The following ST8SIA6 variants were observed in gnomAD, a reference collection of about 807,000 sequenced individuals.
The protein encoded by ST8SIA6 is alpha-2,8-sialyltransferase 8F.
A neutral mutation model predicts 33.6 loss-of-function variants in ST8SIA6; 39 were observed. The ratio of observed to expected loss-of-function variants is 1.16; its 90% CI spans 0.90 to 1.52. The LOEUF is 1.52. Ranked by LOEUF, ST8SIA6 falls within the 40% of genes most tolerant of loss-of-function variation. The pLI, the probability that ST8SIA6 is intolerant of heterozygous loss-of-function variation, is 0.00. For synonymous variants in ST8SIA6, 172 were observed against 167.2 expected (o/e 1.03, Z -0.22); for missense variants, 441 against 443.8 (o/e 0.99, Z 0.06).
intron 4 of ST8SIA6, among the ~76,000 whole-genome samples, chr10:17,333,706 TATATA>T (rs1848394755): frequency 3.2e-5 from 1 of 30,836 alleles, no homozygotes; most frequent in East Asian, 2.8e-3. Flanking sequence ...TATATATATA[TATATA>T]TATATATTTT....
intron 2 of ST8SIA6, among the ~76,000 whole-genome samples, chr10:17,418,525 C>T (rs1013501781): frequency 6.6e-6 from 1 of 152,120 alleles, no homozygotes; most frequent in Non-Finnish European, 1.5e-5. Flanking sequence ...AGGACATGAC[C>T]ACTGTCATTC....
rs1051962456 is a variant in ST8SIA6, at chr10:17,323,553, A to G, written c.636-396T>C. On this transcript the variant is annotated intron_variant, in intron 6 of 7. Coordinates refer to ENST00000377602, the MANE Select transcript of ST8SIA6 (RefSeq NM_001004470.3). Reference sequence around the variant, plus strand: ...GGGACTAAAGGCATGCACCAAGCGAATTTGTATTTTTAGTAGTGATAGGGT... The same window carrying G: ...GGGACTAAAGGCATGCACCAAGCGAGTTTGTATTTTTAGTAGTGATAGGGT... Among the ~76,000 whole-genome samples the G allele has an allele frequency of 7.9e-5, 12 of 151,696 alleles. No homozygotes were observed. In the East Asian group the frequency reaches 2.1e-3, roughly 27 times the overall value.
intron 3 of ST8SIA6, among the ~76,000 whole-genome samples, chr10:17,373,451 C>T (rs189722800): frequency 8.7e-4 from 133 of 152,234 alleles, no homozygotes; most frequent in Non-Finnish European, 1.3e-3. Flanking sequence ...ACAGACCCTG[C>T]GAGGCATAAA....
chr10:17,348,524 G>T (rs1476941142), intron 4 of ST8SIA6, among the ~76,000 whole-genome samples: 1 of 152,178 alleles, frequency 6.6e-6, no homozygotes. Flanking sequence ...TCTGTGCTCT[G>T]AGAAACTGTG....
chr10:17,336,529 T>C (rs1352111845), intron 4 of ST8SIA6, among the ~76,000 whole-genome samples: 1 of 151,906 alleles, frequency 6.6e-6, no homozygotes, highest in African/African-American at 2.4e-5. Context: ...ACTTTTGTGA[T>C]GATTTTTCAC....
At chr10:17,374,729 AATAAATAAATAAATAAATAATAAATAT>A (rs956614373) in intron 3 of ST8SIA6, among the ~76,000 whole-genome samples, 1 of 91,520 alleles carries the variant, frequency 1.1e-5, no homozygotes, top group South Asian at 4.1e-4. Flanking sequence ...TAAATAAATA[AATAAATAAATAAATAAATAATAAATAT>A]ATATATATAT....
chr10:17,437,013 A>G (rs1322400462), intron 2 of ST8SIA6, among the ~76,000 whole-genome samples: 1 of 152,178 alleles, frequency 6.6e-6, no homozygotes, highest in Non-Finnish European at 1.5e-5. Context: ...CGTGAAAACT[A>G]ACTAATACAA....
chr10:17,445,877 T>C (rs1353198521), intron 2 of ST8SIA6, among the ~76,000 whole-genome samples: 1 of 152,126 alleles, frequency 6.6e-6, no homozygotes, highest in Non-Finnish European at 1.5e-5. Flanking sequence ...TCACGTACCA[T>C]TCCTGGCAGC....
chr10:17,429,020 T>A (rs182275264), intron 2 of ST8SIA6, among the ~76,000 whole-genome samples: 1 of 152,178 alleles, frequency 6.6e-6, no homozygotes, highest in Admixed American at 6.5e-5. Context: ...GGATTCATGA[T>A]GATATTAGTA....
At chr10:17,325,030 T>A (rs1848080798) in intron 6 of ST8SIA6, among the ~76,000 whole-genome samples, 2 of 143,068 alleles carry the variant, frequency 1.4e-5, no homozygotes, top group South Asian at 4.3e-4. Flanking sequence ...TGTTATATAA[T>A]TGTATTTATT....
intron 4 of ST8SIA6, among the ~76,000 whole-genome samples, chr10:17,347,970 A>AAAAAAT (rs1848898935): frequency 6.6e-6 from 1 of 151,328 alleles, no homozygotes; most frequent in Non-Finnish European, 1.5e-5. Context: ...AAAAAAAAAA[A>AAAAAAT]AAAAATTAAA....
intron 4 of ST8SIA6, among the ~76,000 whole-genome samples, chr10:17,354,139 A>T (rs948668514): frequency 6.6e-6 from 1 of 152,188 alleles, no homozygotes; most frequent in Non-Finnish European, 1.5e-5. Context: ...AAACCTGCTT[A>T]CCAGAAGTTT....
intron 2 of ST8SIA6, among the ~76,000 whole-genome samples, chr10:17,419,764 G>A (rs978520007): frequency 6.6e-6 from 1 of 152,084 alleles, no homozygotes; most frequent in African/African-American, 2.4e-5. Context: ...TTAAAACATG[G>A]CTATCAAAAA....
At chr10:17,389,798 G>T (rs558628154) in intron 3 of ST8SIA6, among the ~76,000 whole-genome samples, 4 of 152,190 alleles carry the variant, frequency 2.6e-5, no homozygotes, top group Admixed American at 2.6e-4. Flanking sequence ...AGTTTAGCCA[G>T]TATAACTACA....
intron 2 of ST8SIA6, among the ~76,000 whole-genome samples, chr10:17,436,956 T>G (rs570109437): frequency 1.3e-5 from 2 of 152,260 alleles, no homozygotes; most frequent in Middle Eastern, 3.4e-3. Flanking sequence ...ACATTAAACT[T>G]CTTTCTTTTG....
chr10:17,383,058 T>C (rs1169883461), intron 3 of ST8SIA6, among the ~76,000 whole-genome samples: 2 of 152,216 alleles, frequency 1.3e-5, no homozygotes, highest in East Asian at 1.9e-4. Flanking sequence ...ATTGGCTTCA[T>C]GCTGTTTTTA....
intron 2 of ST8SIA6, chr10:17,409,221 G>A (rs1165612241): frequency 1.3e-5 from 2 of 152,434 alleles, no homozygotes; most frequent in East Asian, 1.9e-4. Flanking sequence ...CATAACTACA[G>A]TTTTAAAATA....
In ST8SIA6 at chr10:17,318,412, C is replaced by T. The variant is rs944940109; in HGVS notation, c.*2466G>A. ...TTTGTTTTTTGTAGAGAAGGGTACTCACTATGTTGCCCAGGCTAGTCTCAA... is the reference window on the plus strand; with the variant it reads ...TTTGTTTTTTGTAGAGAAGGGTACTTACTATGTTGCCCAGGCTAGTCTCAA... On this transcript the variant is annotated 3_prime_UTR_variant, in exon 8 of 8. Transcript: ENST00000377602. 9.7e-6 allele frequency: 3 copies of T among 310,402 alleles called. No homozygotes were observed. Among genetic ancestry groups the T allele is most frequent in the South Asian group, 2.9e-5 (1 of 33,946 alleles). The allele number at this position is 310,402 out of a possible 1,614,324, so 19.2% of individuals were successfully genotyped here.
At position 17,317,223 on chromosome 10, in the gene ST8SIA6, A is replaced by T. The variant is rs892087210; in HGVS notation, c.*3655T>A. Among the ~76,000 whole-genome samples the T allele has an allele frequency of 5.9e-5, 9 of 152,206 alleles. No individual in the cohort carries two copies. Among genetic ancestry groups the T allele is most frequent in the African/African-American group, 2.2e-4 (9 of 41,454 alleles). On this transcript the variant is annotated 3_prime_UTR_variant, in exon 8 of 8. Coordinates refer to ENST00000377602, the MANE Select transcript of ST8SIA6 (RefSeq NM_001004470.3). ...TTTGCCCTGTCTCCATTACATAAGT[A>T]GCGCATCTTTATCATATATCACCCA...
Sources: gnomAD v4.1 joint callset for allele counts (sites outside exome capture counted in the v4.1 genomes callset) on GRCh38, gnomAD v4.1.1 for gene constraint, MANE v1.5 for transcripts, NCBI Gene and HGNC (gene_info 2026-07-23, HGNC 2026-07-21) for gene names.